Variants in CEP97 observed in about 807,000 individuals in gnomAD.
CEP97 encodes centrosomal protein of 97 kDa.
A neutral mutation model predicts 73.1 loss-of-function variants in CEP97; 43 were observed. The ratio of observed to expected loss-of-function variants is 0.59; its 90% CI spans 0.46 to 0.76. The LOEUF (loss-of-function observed/expected upper bound fraction) is 0.76, where lower values mean the gene tolerates loss of function less well. Ranked by LOEUF, CEP97 falls within the 30% of genes least tolerant of loss-of-function variation. The pLI is 0.00. For missense variants in CEP97, 939 were observed against 1,014.0 expected (o/e 0.93, Z 1.00); for synonymous variants, 337 against 370.0 (o/e 0.91, Z 1.02).
intron 6 of CEP97, among the ~76,000 whole-genome samples, chr3:101,737,531 A>G (rs944097586): frequency 6.6e-6 from 1 of 152,188 alleles, no homozygotes; most frequent in Admixed American, 6.5e-5. Context: ...GTGGGGGCCG[A>G]TATTCAACAT....
chr3:101,726,465 G>A (rs1937891360), intron 1 of CEP97, 129 bp from the exon 2 acceptor site: 1 of 507,280 alleles, frequency 2.0e-6, no homozygotes, highest in Non-Finnish European at 3.2e-6. Context: ...TTACAATGTT[G>A]ATATTTATTA....
intron 6 of CEP97, among the ~76,000 whole-genome samples, chr3:101,739,214 G>A (rs1938370826): frequency 6.6e-6 from 1 of 152,174 alleles, no homozygotes; most frequent in Non-Finnish European, 1.5e-5. Context: ...GGACCAGACG[G>A]ATTCACAGCT....
chr3:101,730,422 C>T (rs928779165), intron 4 of CEP97, among the ~76,000 whole-genome samples: 17 of 151,766 alleles, frequency 1.1e-4, no homozygotes, highest in African/African-American at 3.9e-4. Flanking sequence ...CATGCCACCA[C>T]GCCCAGCTAA....
chr3:101,726,921 A>G (rs184234970), intron 2 of CEP97, among the ~76,000 whole-genome samples, 185 bp downstream of exon 2: 1 of 152,348 alleles, frequency 6.6e-6, no homozygotes, highest in Admixed American at 6.5e-5. Context: ...GATTAGAAAA[A>G]AAAAGCATTG....
chr3:101,743,634 A>G (rs1351228675), intron 6 of CEP97, among the ~76,000 whole-genome samples: 2 of 152,144 alleles, frequency 1.3e-5, no homozygotes, highest in East Asian at 3.9e-4. Flanking sequence ...GGGCTAGAGC[A>G]GTCCTCTTAC....
chr3:101,754,861 A>G (rs776561445), intron 6 of CEP97, among the ~76,000 whole-genome samples: 6 of 151,606 alleles, frequency 4.0e-5, no homozygotes, highest in Non-Finnish European at 7.4e-5. Context: ...ATTTTCTGTA[A>G]ATTGGATATG....
At chr3:101,763,144 A>C (rs984393135) in intron 10 of CEP97, 1 of 1,243,634 alleles carries the variant, frequency 8.0e-7, no homozygotes, top group East Asian at 5.7e-5. Flanking sequence ...GGCCGGTCTC[A>C]AACTTCTGGG....
At chr3:101,744,746 A>G (rs1164758982) in intron 6 of CEP97, among the ~76,000 whole-genome samples, 1 of 152,218 alleles carries the variant, frequency 6.6e-6, no homozygotes, top group African/African-American at 2.4e-5. Flanking sequence ...ACATTATTCT[A>G]AGGGAGAGCT....
chr3:101,741,925 C>T (rs1938468912), intron 6 of CEP97, among the ~76,000 whole-genome samples: 2 of 151,812 alleles, frequency 1.3e-5, no homozygotes, highest in African/African-American at 4.8e-5. Context: ...ACCTGTAATC[C>T]CAGCTACTCA....
chr3:101,746,376 T>A (rs1938616666), intron 6 of CEP97, among the ~76,000 whole-genome samples: 1 of 151,254 alleles, frequency 6.6e-6, no homozygotes, highest in Non-Finnish European at 1.5e-5. Flanking sequence ...TAACGCCGCA[T>A]ATCTACAACT....
At position 101,758,266 on chromosome 3, in the gene CEP97, G is replaced by T; in HGVS notation, c.1660G>T (p.Ala554Ser). 6.2e-7 allele frequency: 1 copy of T among 1,614,196 alleles called. No homozygotes were observed. Residue 554 changes from alanine to serine, a missense_variant, in exon 9 of 11, where the codon GCC (alanine) becomes TCC (serine). By Grantham distance (99) the Ala-to-Ser change is moderately conservative (BLOSUM62 1). Transcript: ENST00000341893. ...RSVALGQDKV[A>S]LQKLNDAATK... ...TGTTGCTTTGGGACAAGACAAAGTT[G>T]CCCTTCAGAAATTAAATGATGCAGC...
At chr3:101,732,458 T>G in intron 5 of CEP97, 30 bp from the exon 6 acceptor site, 1 of 1,554,618 alleles carries the variant, frequency 6.4e-7, no homozygotes, top group Non-Finnish European at 8.8e-7. Context: ...GAATAGTCCT[T>G]TTGTTCAACA....
intron 6 of CEP97, among the ~76,000 whole-genome samples, chr3:101,742,531 T>C (rs968177600): frequency 1.3e-4 from 20 of 151,544 alleles, no homozygotes; most frequent in Non-Finnish European, 1.0e-4. Flanking sequence ...TAAGTGGGAG[T>C]TGAACAATGA....
At position 101,724,706 on chromosome 3, in the gene CEP97, G is replaced by T. The variant is rs755715767; in HGVS notation, c.30G>T (p.Leu10Phe). The change falls in exon 1 of 11, where the codon TTG (leucine) becomes TTT (phenylalanine). Residue 10 changes from leucine (L) to phenylalanine (F), a missense_variant. By Grantham distance (22) the Leu-to-Phe change is conservative. Transcript: ENST00000341893. MAVARVDAA[L>F]PPGEGSVVNW... ...CGGTGGCGCGCGTGGACGCGGCTTTGCCTCCCGGAGAAGGTAAGGCGATCC... is the reference window on the plus strand; with the variant it reads ...CGGTGGCGCGCGTGGACGCGGCTTTTCCTCCCGGAGAAGGTAAGGCGATCC... 2 of 1,614,242 alleles carry T rather than the reference G, an allele frequency of 1.2e-6. No homozygotes were observed. Among genetic ancestry groups the T allele is most frequent in the East Asian group, 4.5e-5 (2 of 44,888 alleles).
chr3:101,754,067 T>TTG (rs1938934917), intron 6 of CEP97, among the ~76,000 whole-genome samples: 1 of 114,088 alleles, frequency 8.8e-6, no homozygotes, highest in Non-Finnish European at 1.9e-5. Flanking sequence ...TTTTTTTTTT[T>TTG]TAAGAAACAA....
intron 6 of CEP97, among the ~76,000 whole-genome samples, chr3:101,736,402 T>C (rs1392221100): frequency 6.6e-6 from 1 of 152,200 alleles, no homozygotes; most frequent in Admixed American, 6.5e-5. Context: ...GTCTCCTGAC[T>C]GGGAGACATC....
chr3:101,748,226 GT>G (rs1365855736), intron 6 of CEP97, among the ~76,000 whole-genome samples: 6 of 150,020 alleles, frequency 4.0e-5, no homozygotes, highest in Non-Finnish European at 8.9e-5. Context: ...TTGACAGGGA[GT>G]TTTTGTTTTT....
At chr3:101,748,445 A>C (rs1190952031) in intron 6 of CEP97, among the ~76,000 whole-genome samples, 1 of 152,098 alleles carries the variant, frequency 6.6e-6, no homozygotes, top group Middle Eastern at 3.2e-3. Flanking sequence ...TTCCCAAAGT[A>C]CAGATCATCT....
chr3:101,770,060 C>G lies in CEP97; in HGVS notation c.*4509C>G, dbSNP rs1432833288. 3 of 152,252 alleles carry G rather than the reference C, an allele frequency of 2.0e-5. No individual in the cohort carries two copies. Among genetic ancestry groups the G allele is most frequent in the African/African-American group, 7.2e-5 (3 of 41,412 alleles). The allele number at this position is 152,252 out of a possible 1,614,324, so 9.4% of individuals were successfully genotyped here. A position where few individuals can be genotyped will look rare whatever the true frequency, so the allele number is the denominator to read the frequency against. On this transcript the variant is annotated 3_prime_UTR_variant, in exon 11 of 11. Transcript: ENST00000341893. ...TTCTTTTTTTTGAGAGAGTCTCGCT[C>G]TGTCACCAGGCTGGAGTGCAGTGGC...
Sources: allele counts gnomAD v4.1 joint callset (sites outside exome capture counted in the v4.1 genomes callset), GRCh38; gene constraint gnomAD v4.1.1; transcripts MANE v1.5; gene names NCBI Gene and HGNC (gene_info 2026-07-23, HGNC 2026-07-21).